The following RPRD2 variants were observed in gnomAD, a reference collection of about 807,000 sequenced individuals.
RPRD2 encodes the protein regulation of nuclear pre-mRNA domain-containing protein 2.
Under a neutral mutation model 104.4 loss-of-function variants are expected in RPRD2, and 12 were observed. That is an observed-to-expected ratio of 0.11 (90% confidence interval 0.07 to 0.19). The LOEUF (loss-of-function observed/expected upper bound fraction) is 0.19. Ranked by LOEUF, RPRD2 falls within the 10% of genes least tolerant of loss-of-function variation. The pLI is 1.00. For missense variants in RPRD2, 1,543 were observed against 1,790.1 expected (o/e 0.86, Z 2.49); for synonymous variants, 714 against 684.9 (o/e 1.04, Z -0.66).
chr1:150,413,597 C>G (rs990686182), intron 1 of RPRD2, among the ~76,000 whole-genome samples: 2 of 148,920 alleles, frequency 1.3e-5, no homozygotes, highest in Non-Finnish European at 3.0e-5. Context: ...GAGTGAAACT[C>G]TGTCTCAATA....
chr1:150,390,429 G>A (rs1164703813), intron 1 of RPRD2, among the ~76,000 whole-genome samples: 2 of 152,140 alleles, frequency 1.3e-5, no homozygotes, highest in Non-Finnish European at 2.9e-5. Flanking sequence ...AATCTGGGAG[G>A]CAGAAGTTGC....
At chr1:150,415,643 T>A (rs1664277210) in intron 1 of RPRD2, among the ~76,000 whole-genome samples, 1 of 152,082 alleles carries the variant, frequency 6.6e-6, no homozygotes, top group Non-Finnish European at 1.5e-5. Context: ...ATCGCACCAC[T>A]GCACCCCAGC....
intron 2 of RPRD2, among the ~76,000 whole-genome samples, chr1:150,430,109 A>G (rs1572457123): frequency 6.6e-6 from 1 of 152,310 alleles, no homozygotes; most frequent in East Asian, 1.9e-4. Context: ...ATCTCTGAAC[A>G]CACAGAAAAA....
chr1:150,439,312 G>A (rs1483823645), intron 2 of RPRD2, among the ~76,000 whole-genome samples: 1 of 152,084 alleles, frequency 6.6e-6, no homozygotes, highest in African/African-American at 2.4e-5. Flanking sequence ...GCATACCTTA[G>A]AGATATTGAG....
At chr1:150,365,071 A>G (rs1659733458) in intron 1 of RPRD2, among the ~76,000 whole-genome samples, 152 bp downstream of exon 1, 1 of 152,210 alleles carries the variant, frequency 6.6e-6, no homozygotes, top group Non-Finnish European at 1.5e-5. Context: ...CCCAGACTCC[A>G]TTCCTAGCCA....
intron 2 of RPRD2, among the ~76,000 whole-genome samples, chr1:150,437,884 C>T (rs1386942275): frequency 6.7e-6 from 1 of 150,364 alleles, no homozygotes; most frequent in Admixed American, 6.7e-5. Context: ...CCAGCCTAAA[C>T]TTTACAATTT....
chr1:150,386,387 C>G (rs1661572580), intron 1 of RPRD2, among the ~76,000 whole-genome samples: 1 of 152,270 alleles, frequency 6.6e-6, no homozygotes, highest in South Asian at 2.1e-4. Flanking sequence ...GAGTTCGAAA[C>G]TAGTCTGGGC....
intron 10 of RPRD2, among the ~76,000 whole-genome samples, chr1:150,465,964 A>C (rs983275571): frequency 4.7e-5 from 7 of 148,660 alleles, no homozygotes; most frequent in African/African-American, 1.8e-4. Flanking sequence ...AGTAAGCCGG[A>C]ATCACGCTAC....
chr1:150,403,974 C>T (rs183682988), intron 1 of RPRD2, among the ~76,000 whole-genome samples: 379 of 152,012 alleles, frequency 2.5e-3, no homozygotes, highest in Middle Eastern at 3.4e-3. Flanking sequence ...TACTGTAGGT[C>T]TAGAGATTTT....
At chr1:150,467,432 G>A (rs1668350682) in intron 10 of RPRD2, among the ~76,000 whole-genome samples, 1 of 152,032 alleles carries the variant, frequency 6.6e-6, no homozygotes, top group African/African-American at 2.4e-5. Flanking sequence ...GGAGTGCAGT[G>A]GTGTGATCTC....
chr1:150,404,878 G>T (rs182280101), intron 1 of RPRD2, among the ~76,000 whole-genome samples: 1 of 152,202 alleles, frequency 6.6e-6, no homozygotes, highest in Non-Finnish European at 1.5e-5. Context: ...TTTAGTGCAT[G>T]TCTCTCCATT....
At chr1:150,449,866 C>T (rs1414247973) in intron 7 of RPRD2, among the ~76,000 whole-genome samples, 1 of 152,174 alleles carries the variant, frequency 6.6e-6, no homozygotes, top group East Asian at 1.9e-4. Flanking sequence ...TCTCCCTCCT[C>T]TCCTCTTGGA....
In RPRD2 at chr1:150,457,468, A is replaced by G. The variant is rs41273537; in HGVS notation, c.1051A>G (p.Met351Val). ...MGGEESQSPTMESEKSATPEP... is the reference protein window; with the variant it reads ...MGGEESQSPTVESEKSATPEP... ...AGGTGAGGAATCCCAGTCACCAACC[A>G]TGGAGAGTGAGAAATCTGCCACACC... Residue 351 changes from methionine (M) to valine (V), a missense_variant, in exon 8 of 11, where the codon ATG becomes GTG. This residue lies in a region of RPRD2 where 572 missense variants were observed against 787.3 expected (regional missense o/e 0.73). Transcript: ENST00000369068. 167,376 of 1,613,412 alleles carry G rather than the reference A, an allele frequency of 0.1. 9,790 individuals carry two copies. Among genetic ancestry groups the G allele is most frequent in the Non-Finnish European group, 0.12 (140,867 of 1,179,488 alleles).
intron 2 of RPRD2, among the ~76,000 whole-genome samples, chr1:150,429,633 CAAAA>C (rs1208944201): frequency 6.6e-6 from 1 of 151,876 alleles, no homozygotes; most frequent in Non-Finnish European, 1.5e-5. Context: ...AGGCCTTTCT[CAAAA>C]AAAGAAAATG....
At chr1:150,463,540 C>T (rs1339750930) in intron 9 of RPRD2, among the ~76,000 whole-genome samples, 15 of 152,016 alleles carry the variant, frequency 9.9e-5, no homozygotes, top group Admixed American at 9.8e-4. Flanking sequence ...TTTTCCTTTG[C>T]TTCTCACTTA....
chr1:150,387,567 C>CTTTTTTTTTTTTTTTTTT lies in RPRD2; in HGVS notation c.205+22672_205+22689dup, dbSNP rs562476167. 2.6e-4 allele frequency among the ~76,000 whole-genome samples: 19 copies of CTTTTTTTTTTTTTTTTTT among 73,796 alleles called. 4 individuals are homozygous for CTTTTTTTTTTTTTTTTTT. Among genetic ancestry groups the CTTTTTTTTTTTTTTTTTT allele is most frequent in the South Asian group, 4.7e-4 (1 of 2,130 alleles). 48.4% of individuals were successfully genotyped at this position (73,796 alleles called of 152,430 possible). ...AAATCTTACAGAAGTTGCAACAGAC[C>CTTTTTTTTTTTTTTTTTT]TTTTTTTTTTTTTTTTTTTTTTTTT... On this transcript the variant is annotated intron_variant, in intron 1 of 10. Coordinates refer to ENST00000369068, the MANE Select transcript of RPRD2 (RefSeq NM_015203.5).
chr1:150,440,379 AAGTT>A (rs1666337329), intron 2 of RPRD2, among the ~76,000 whole-genome samples: 1 of 152,192 alleles, frequency 6.6e-6, no homozygotes, highest in Non-Finnish European at 1.5e-5. Flanking sequence ...ACATTGTTTA[AAGTT>A]AGGTAGCCAA....
chr1:150,458,262 C>A (rs946704078), intron 8 of RPRD2, among the ~76,000 whole-genome samples: 7 of 152,110 alleles, frequency 4.6e-5, no homozygotes, highest in African/African-American at 7.2e-5. Context: ...TGAGACCAGC[C>A]TGGGCAACAT....
At chr1:150,420,073 C>T (rs183687801) in intron 2 of RPRD2, among the ~76,000 whole-genome samples, 2 of 152,294 alleles carry the variant, frequency 1.3e-5, no homozygotes, top group Admixed American at 1.3e-4. Flanking sequence ...TGCCACTTAA[C>T]CACTAATCCA....
Sources: allele counts gnomAD v4.1 joint callset (sites outside exome capture counted in the v4.1 genomes callset), GRCh38; gene constraint gnomAD v4.1.1; regional missense constraint gnomAD v4.1.1; transcripts MANE v1.5; gene names NCBI Gene and HGNC (gene_info 2026-07-23, HGNC 2026-07-21).